The following ADGRV1 variants were observed in gnomAD, a reference collection of about 807,000 sequenced individuals.
ADGRV1 encodes the protein adhesion G protein-coupled receptor V1.
A neutral mutation model predicts 596.2 loss-of-function variants in ADGRV1; 359 were observed. The ratio of observed to expected loss-of-function variants is 0.60; its 90% CI spans 0.55 to 0.66. The LOEUF is 0.66. ADGRV1 is among the 30% of genes least tolerant of loss of function. The pLI is 0.00. For missense variants in ADGRV1, 7,274 were observed against 7,575.6 expected (o/e 0.96, Z 1.48); for synonymous variants, 2,681 against 2,679.2 (o/e 1.00, Z -0.02).
At chr5:90,611,962 G>T (rs546640967) in intron 1 of ADGRV1, among the ~76,000 whole-genome samples, 3 of 152,076 alleles carry the variant, frequency 2.0e-5, no homozygotes, top group Admixed American at 6.6e-5. Flanking sequence ...TCTATTGAAT[G>T]CCAACTTTGC....
rs549431278 is a variant in ADGRV1 at position 90,803,994 on chromosome 5, G to A, written c.14661+1112G>A. 3.9e-5 allele frequency among the ~76,000 whole-genome samples: 6 copies of A among 152,258 alleles called. No homozygotes were observed. The South Asian group carries it at 1.0e-3, about 26-fold the overall frequency. ...CTCTATACTTGTATCAGTGTTTGGT[G>A]TGTGTGTGCACGCATGTGTGTGTGT... On this transcript the variant is annotated intron_variant, in intron 71 of 89. Transcript: ENST00000405460.
At chr5:90,635,335 T>G in intron 10 of ADGRV1, 45 bp downstream of exon 10, 2 of 1,483,490 alleles carry the variant, frequency 1.3e-6, no homozygotes. Flanking sequence ...GAGTATGAAG[T>G]AATGTACAGA....
intron 83 of ADGRV1, among the ~76,000 whole-genome samples, chr5:90,874,636 C>T (rs946024923): frequency 1.3e-5 from 2 of 151,828 alleles, no homozygotes; most frequent in African/African-American, 2.4e-5. Flanking sequence ...CTGAGATGGG[C>T]GGATCACGAG....
intron 89 of ADGRV1, among the ~76,000 whole-genome samples, chr5:91,162,280 T>A (rs1262535209): frequency 2.6e-5 from 4 of 151,864 alleles, no homozygotes; most frequent in African/African-American, 9.7e-5. Flanking sequence ...CATAATCCAG[T>A]GGGGGGGTCA....
chr5:90,605,451 T>G (rs1391079582), intron 1 of ADGRV1, among the ~76,000 whole-genome samples: 1 of 151,732 alleles, frequency 6.6e-6, no homozygotes, highest in East Asian at 1.9e-4. Flanking sequence ...AGAAAAAACT[T>G]TGTGTATTAG....
chr5:91,072,126 T>A (rs1788441827), intron 85 of ADGRV1, among the ~76,000 whole-genome samples: 1 of 152,174 alleles, frequency 6.6e-6, no homozygotes, highest in Admixed American at 6.5e-5. Flanking sequence ...GTGGCCTTTT[T>A]AAAATGAACA....
chr5:90,942,200 A>T (rs538249312), intron 83 of ADGRV1, among the ~76,000 whole-genome samples: 1 of 152,382 alleles, frequency 6.6e-6, no homozygotes, highest in African/African-American at 2.4e-5. Flanking sequence ...AGATGATAGC[A>T]AGTGAGTTTA....
rs549015703 is a variant in ADGRV1, at chr5:91,087,604, T to C, written c.18311-14615T>C. Among the ~76,000 whole-genome samples the C allele has an allele frequency of 3.5e-4, 54 of 152,302 alleles. No individual in the cohort carries two copies. In the South Asian group the frequency reaches 0.011, roughly 30 times the overall value. On this transcript the variant is annotated intron_variant, in intron 86 of 89. Coordinates refer to ENST00000405460, the MANE Select transcript of ADGRV1 (RefSeq NM_032119.4). ...TCATTGAGAGCAGATCCAGATGTAA[T>C]TCAACATTTTATCTATCACATTTTA...
chr5:91,133,292 G>A (rs1794365078), intron 87 of ADGRV1, among the ~76,000 whole-genome samples: 1 of 152,206 alleles, frequency 6.6e-6, no homozygotes, highest in South Asian at 2.1e-4. Flanking sequence ...GATTGGACTT[G>A]GGGCCAGGGG....
At chr5:90,566,393 T>A (rs144390729) in intron 1 of ADGRV1, among the ~76,000 whole-genome samples, 27 of 152,286 alleles carry the variant, frequency 1.8e-4, no homozygotes, top group East Asian at 1.2e-3. Flanking sequence ...CCAGGTTCCA[T>A]TTGCTGAATA....
chr5:90,942,821 A>C (rs943800203), intron 83 of ADGRV1, among the ~76,000 whole-genome samples: 1 of 152,142 alleles, frequency 6.6e-6, no homozygotes, highest in Non-Finnish European at 1.5e-5. Context: ...TTTAAACTAC[A>C]CCCATAACTA....
chr5:90,880,736 G>A (rs1292239527), intron 83 of ADGRV1, among the ~76,000 whole-genome samples: 6 of 152,132 alleles, frequency 3.9e-5, no homozygotes, highest in East Asian at 3.9e-4. Context: ...TTATACTAAC[G>A]TGCACAAACT....
chr5:90,795,086 GTTTT>G (rs35362542), intron 70 of ADGRV1, among the ~76,000 whole-genome samples: 2 of 120,448 alleles, frequency 1.7e-5, no homozygotes, highest in African/African-American at 3.0e-5. Flanking sequence ...AGCTGCAGAA[GTTTT>G]TTTTTTTTTT....
At chr5:91,122,394 T>C (rs912065123) in intron 87 of ADGRV1, among the ~76,000 whole-genome samples, 2 of 152,218 alleles carry the variant, frequency 1.3e-5, no homozygotes, top group African/African-American at 4.8e-5. Context: ...AAAAGTCATC[T>C]CCTTTTTATA....
Position 90,757,008 on chromosome 5 carries a change from G to A in ADGRV1, c.11787G>A (p.Glu3929=). The A allele has an allele frequency of 6.2e-7, 1 of 1,611,810 alleles. No homozygotes were observed. Among genetic ancestry groups the A allele is most frequent in the Middle Eastern group, 1.7e-4 (1 of 6,046 alleles). The change falls in exon 57 of 90, where the codon GAG becomes GAA. Residue 3929 remains glutamate (E), a synonymous_variant. Transcript: ENST00000405460. ...RGAGEVITAY[E]VPPPLNVLQV... is the part of the protein sequence containing the mutation. ...CTGGGGAAGTTATTACTGCCTATGA[G>A]GTGCCTCCACCCTTGAACGTTCTTC...
At chr5:90,900,392 G>A (rs1217457004) in intron 83 of ADGRV1, among the ~76,000 whole-genome samples, 2 of 143,554 alleles carry the variant, frequency 1.4e-5, no homozygotes, top group African/African-American at 5.2e-5. Flanking sequence ...ATATAGGTTT[G>A]TATATCAAAA....
At position 91,114,392 on chromosome 5, in the gene ADGRV1, T is replaced by C. The variant is rs1792661239; in HGVS notation, c.18432+12052T>C. 2.0e-5 allele frequency among the ~76,000 whole-genome samples: 3 copies of C among 152,146 alleles called. No individual in the cohort carries two copies. In the South Asian group the frequency reaches 6.2e-4, roughly 32 times the overall value. ...AAATACAAAAATTAGCTGGGTGTGG[T>C]GGCACACGCCTGTAATTGCAGCTAC... On this transcript the variant is annotated intron_variant, in intron 87 of 89. Coordinates refer to ENST00000405460, the MANE Select transcript of ADGRV1 (RefSeq NM_032119.4).
chr5:90,822,786 G>A (rs1763696447), intron 75 of ADGRV1, among the ~76,000 whole-genome samples: 1 of 152,124 alleles, frequency 6.6e-6, no homozygotes, highest in South Asian at 2.1e-4. Context: ...CCACTTGTTT[G>A]TATCCTCTTT....
At chr5:90,830,704 C>T (rs1432579293) in intron 77 of ADGRV1, among the ~76,000 whole-genome samples, 6 of 152,100 alleles carry the variant, frequency 3.9e-5, no homozygotes, top group Non-Finnish European at 7.4e-5. Context: ...TAGGAATTTC[C>T]AGTTTTCCCT....
Sources: allele counts gnomAD v4.1 joint callset (sites outside exome capture counted in the v4.1 genomes callset), GRCh38; gene constraint gnomAD v4.1.1; transcripts MANE v1.5; gene names NCBI Gene and HGNC (gene_info 2026-07-23, HGNC 2026-07-21).